Variants in NCKAP5L observed in about 807,000 individuals in gnomAD.
NCKAP5L encodes NCK associated protein 5 like, also known as nck-associated protein 5-like.
Under a neutral mutation model 103.2 loss-of-function variants are expected in NCKAP5L, and 54 were observed. That is an observed-to-expected ratio of 0.52 (90% CI 0.42 to 0.66). NCKAP5L has a LOEUF of 0.66. Among genes scored for constraint, NCKAP5L ranks in the 30% least tolerant of loss-of-function variants. The pLI, the probability that NCKAP5L is intolerant of heterozygous loss-of-function variation, is 0.00. For missense variants in NCKAP5L, 1,733 were observed against 1,750.6 expected (o/e 0.99, Z 0.18); for synonymous variants, 762 against 748.6 (o/e 1.02, Z -0.29).
At chr12:49,819,201 AC>A (rs1231597679) in intron 1 of NCKAP5L, among the ~76,000 whole-genome samples, 2 of 151,738 alleles carry the variant, frequency 1.3e-5, no homozygotes. Flanking sequence ...AGTCCCAGCT[AC>A]CTGGGAGGCC....
intron 4 of NCKAP5L, 24 bp from the exon 5 acceptor site, chr12:49,803,020 A>T: frequency 6.2e-7 from 1 of 1,614,256 alleles, no homozygotes; most frequent in Non-Finnish European, 8.5e-7. Context: ...GCCCCGAGGC[A>T]GAGCCATCAG....
chr12:49,815,567 T>G lies in NCKAP5L; in HGVS notation c.-98-9526A>C, dbSNP rs1014631287. Among the ~76,000 whole-genome samples the G allele has an allele frequency of 2.0e-5, 3 of 152,200 alleles. No individual in the cohort carries two copies. The East Asian group carries it at 5.8e-4, about 29-fold the overall frequency. ...TCTTGCCCTGTTGCCCAGGCTGGAG[T>G]GCAATGGCGTGATCTCGGCTCAAGC... On this transcript the variant is annotated intron_variant, in intron 1 of 12. Coordinates refer to ENST00000335999, the MANE Select transcript of NCKAP5L (RefSeq NM_001037806.4).
chr12:49,804,170 AT>A, intron 2 of NCKAP5L, 90 bp from the exon 3 acceptor site: 6 of 1,257,812 alleles, frequency 4.8e-6, no homozygotes, highest in Non-Finnish European at 5.4e-6. Flanking sequence ...TGTGACCTAT[AT>A]GCATGACACT....
intron 7 of NCKAP5L, 73 bp downstream of exon 7, chr12:49,798,277 G>A: frequency 7.4e-7 from 1 of 1,357,470 alleles, no homozygotes; most frequent in Non-Finnish European, 1.0e-6. Context: ...CTGAGCACTG[G>A]GAAACAGCCC....
At position 49,796,246 on chromosome 12, in the gene NCKAP5L, CG is replaced by C. The variant is rs775488539; in HGVS notation, c.1613del (p.Pro538ArgfsTer50). On this transcript the variant is annotated frameshift_variant, in exon 8 of 13. Transcript: ENST00000335999. LOFTEE classifies it high-confidence loss of function. The stretch of plus-strand genomic sequence containing the variant: ...ACAGCGTGGTGGACAAGGCTGACTG[CG>C]GGGGTCTGAGCTGTGTGGAGTCTGG... ...TTPDSTQLRP[P>X]QSALSTTLSP... is the part of the protein sequence containing the mutation. 6.4e-7 allele frequency: 1 copy of C among 1,572,914 alleles called. No homozygotes were observed. Among genetic ancestry groups the C allele is most frequent in the Non-Finnish European group, 8.6e-7 (1 of 1,160,068 alleles).
Position 49,792,610 on chromosome 12 carries a change from GTGGATGGAGCTGCC to G in NCKAP5L, c.3650-36_3650-23del, listed in dbSNP as rs1945955171. On this transcript the variant is annotated intron_variant, in intron 11 of 12. Transcript: ENST00000335999. This position sits in a 1 kb window ranked among gnomAD's most constrained non-coding sequence, Gnocchi z 4.5. ...GGATCTGTCCAGGAACAAAGGGAAGGTGGATGGAGCTGCCTGGGCAGCTCCAGGATGCCCAGGGG... is the reference window on the plus strand; with the variant it reads ...GGATCTGTCCAGGAACAAAGGGAAGGTGGGCAGCTCCAGGATGCCCAGGGG... The G allele has an allele frequency of 6.2e-7, 1 of 1,613,644 alleles. No individual in the cohort carries two copies. Among genetic ancestry groups the G allele is most frequent in the Non-Finnish European group, 8.5e-7 (1 of 1,179,810 alleles).
intron 1 of NCKAP5L, among the ~76,000 whole-genome samples, chr12:49,812,007 C>T (rs1440741654): frequency 6.6e-6 from 1 of 152,220 alleles, no homozygotes; most frequent in Admixed American, 6.5e-5. Context: ...TATAAGACCT[C>T]TGTGACCACT....
chr12:49,816,988 T>C (rs1429754351), intron 1 of NCKAP5L, among the ~76,000 whole-genome samples: 3 of 151,912 alleles, frequency 2.0e-5, no homozygotes, highest in African/African-American at 7.3e-5. Context: ...TTTCAGTCTA[T>C]AGGGGACATA....
At chr12:49,800,710 C>G (rs1040593267) in intron 6 of NCKAP5L, among the ~76,000 whole-genome samples, 6 of 152,230 alleles carry the variant, frequency 3.9e-5, no homozygotes, top group African/African-American at 1.4e-4. Flanking sequence ...GGATCCAACC[C>G]AAGTTTATCC....
chr12:49,822,752 T>C (rs1284228352), intron 1 of NCKAP5L, among the ~76,000 whole-genome samples: 1 of 151,970 alleles, frequency 6.6e-6, no homozygotes, highest in Admixed American at 6.5e-5. Flanking sequence ...TTCACCGTCT[T>C]AGTCAGGCTG....
In NCKAP5L at chr12:49,792,973, C is replaced by A; in HGVS notation, c.3354G>T (p.Leu1118Phe). 1 of 1,545,554 alleles carries A rather than the reference C, an allele frequency of 6.5e-7. No individual in the cohort carries two copies. Residue 1118 changes from leucine (L) to phenylalanine (F), a missense_variant, in exon 11 of 13, where the codon TTG becomes TTT. Physicochemically the swap from Leu to Phe is conservative, Grantham distance 22 (BLOSUM62 0). Transcript: ENST00000335999. The surrounding 1 kb of genome is among the most constrained non-coding windows in gnomAD (Gnocchi z 4.5). ...CAATGCCACTGTCCAAGGTTCGAGT[C>A]AAGGAGCCACAGGCTGGGGAGGGGA... is the stretch of plus-strand genomic sequence containing the variant. ...PTSHFTACGSLTRTLDSGIGT... is the reference protein window; with the variant it reads ...PTSHFTACGSFTRTLDSGIGT...
chr12:49,796,545 G>T lies in NCKAP5L; in HGVS notation c.1315C>A (p.Pro439Thr). Residue 439 changes from proline to threonine, a missense_variant, in exon 8 of 13, where the codon CCT (proline) becomes ACT (threonine). Pro to Thr is a conservative substitution (Grantham distance 38, BLOSUM62 -1). Transcript: ENST00000335999. ...GGTCCCTGAGCTTCCCCAGGAGAAG[G>T]GGGGCCAATTTGGAGCTTGCTTTTC... ...QVKSKLQIGP[P>T]SPGEAQGPLL... The T allele has an allele frequency of 1.9e-6, 3 of 1,588,262 alleles. No homozygotes were observed. Among genetic ancestry groups the T allele is most frequent in the Non-Finnish European group, 2.6e-6 (3 of 1,169,174 alleles).
intron 2 of NCKAP5L, chr12:49,805,005 C>G (rs1254924467): frequency 6.6e-6 from 1 of 152,290 alleles, no homozygotes; most frequent in African/African-American, 2.4e-5. Flanking sequence ...CTTTCTAGCT[C>G]CAGCCTCACT....
rs1426569075 is a variant in NCKAP5L, at chr12:49,794,878, C to A, written c.2982G>T (p.Arg994=). ...CTGGGGCTGGGCCACCAGGCCGTGG[C>A]CGGGCCCGGCTGCTTAGGTAGGCCT... ...EEKAYLSSRA[R]PRPGGPAPGP... Residue 994 remains arginine (R), a synonymous_variant, in exon 8 of 13, where the codon CGG becomes CGT. Coordinates refer to ENST00000335999, the MANE Select transcript of NCKAP5L (RefSeq NM_001037806.4). The A allele has an allele frequency of 2.5e-5, 37 of 1,501,846 alleles. No homozygotes were observed. The highest frequency in any genetic ancestry group is 2.7e-5 in the Non-Finnish European group (30 of 1,125,882). 93.0% of individuals were successfully genotyped at this position (1,501,846 alleles called of 1,614,324 possible). A position where few individuals can be genotyped will look rare whatever the true frequency, so the allele number is the denominator to read the frequency against.
rs1354721692 is a variant in NCKAP5L, at chr12:49,797,074, C to A, written c.786G>T (p.Gly262=). The part of the protein sequence containing the change: ...GGLLHWERLL[G]GLGGEEDTGR... ...CAGTGTCCTCTTCCCCTCCCAGACC[C>A]CCCAAGAGGCGCTCCCAGTGCAGCA... The change falls in exon 8 of 13, where the codon GGG becomes GGT. Residue 262 remains glycine (G), a synonymous_variant. Transcript: ENST00000335999. The surrounding 1 kb of genome is among the most constrained non-coding windows in gnomAD (Gnocchi z 4.5). The A allele has an allele frequency of 6.3e-7, 1 of 1,578,704 alleles. No homozygotes were observed.
chr12:49,825,331 T>A (rs1014144355), intron 1 of NCKAP5L, among the ~76,000 whole-genome samples: 2 of 152,040 alleles, frequency 1.3e-5, no homozygotes, highest in South Asian at 4.1e-4. Context: ...CGGGTGAGGG[T>A]TGTCGAAGGA....
chr12:49,822,471 T>G (rs953403420), intron 1 of NCKAP5L, among the ~76,000 whole-genome samples: 2 of 152,192 alleles, frequency 1.3e-5, no homozygotes, highest in African/African-American at 4.8e-5. Flanking sequence ...TATTTGGTAT[T>G]GTGTAAGGAA....
At chr12:49,824,081 G>T (rs1435417032) in intron 1 of NCKAP5L, among the ~76,000 whole-genome samples, 1 of 152,214 alleles carries the variant, frequency 6.6e-6, no homozygotes, top group Non-Finnish European at 1.5e-5. Context: ...TTGGGTTTGG[G>T]GAGAAGGTGA....
chr12:49,796,781 G>A lies in NCKAP5L; in HGVS notation c.1079C>T (p.Ser360Leu). Residue 360 changes from serine (S) to leucine (L), a missense_variant, in exon 8 of 13, where the codon TCA becomes TTA. Ser to Leu is a moderately radical substitution (Grantham distance 145, BLOSUM62 -2). Transcript: ENST00000335999. Reference sequence around the variant, plus strand: ...TGGGGGCGCCTGGTCTGGGGAGGATGACTGCCCAGGACCTGGGTGGTCCCC... The same window carrying A: ...TGGGGGCGCCTGGTCTGGGGAGGATAACTGCCCAGGACCTGGGTGGTCCCC... ...LNGDHPGPGQSSSPDQAPPQL... is the reference protein window; with the variant it reads ...LNGDHPGPGQLSSPDQAPPQL... 6.2e-7 allele frequency: 1 copy of A among 1,613,742 alleles called. No homozygotes were observed. The highest frequency in any genetic ancestry group is 8.5e-7 in the Non-Finnish European group (1 of 1,179,842).
Sources: allele counts gnomAD v4.1 joint callset (sites outside exome capture counted in the v4.1 genomes callset), GRCh38; gene constraint gnomAD v4.1.1; non-coding constraint Gnocchi (gnomAD v3.1); transcripts MANE v1.5; gene names NCBI Gene and HGNC (gene_info 2026-07-23, HGNC 2026-07-21).